ME1: variants seen among roughly 807,000 people sequenced by gnomAD.
ME1 encodes the protein malic enzyme 1, also known as NADP-dependent malic enzyme.
ME1 carries 74 observed loss-of-function variants against 66.4 expected under a neutral mutation model. The observed-to-expected ratio is 1.11, with a 90% CI of 0.92 to 1.35. The LOEUF (loss-of-function observed/expected upper bound fraction) is 1.35. Ranked by LOEUF, ME1 falls within the 40% of genes most tolerant of loss-of-function variation. ME1 has a pLI of 0.00. For missense variants in ME1, 750 were observed against 694.1 expected (o/e 1.08, Z -0.90); for synonymous variants, 251 against 235.6 (o/e 1.07, Z -0.60).
At chr6:83,329,639 C>T (rs1768367166) in intron 5 of ME1, among the ~76,000 whole-genome samples, 1 of 152,128 alleles carries the variant, frequency 6.6e-6, no homozygotes, top group South Asian at 2.1e-4. Context: ...CAAAACTGTT[C>T]TCAAGCAGCA....
intron 1 of ME1, among the ~76,000 whole-genome samples, chr6:83,423,232 C>G (rs1196606470): frequency 1.3e-5 from 2 of 149,654 alleles, no homozygotes; most frequent in Non-Finnish European, 3.0e-5. Context: ...AAAGAACTGT[C>G]AACTCATTAT....
chr6:83,392,673 A>G, intron 3 of ME1: 1 of 598,422 alleles, frequency 1.7e-6, no homozygotes, highest in South Asian at 1.4e-5. Context: ...CCAAAATCAA[A>G]TGGGGCAATG....
intron 5 of ME1, among the ~76,000 whole-genome samples, chr6:83,321,235 G>A (rs932587661): frequency 3.9e-5 from 6 of 152,104 alleles, no homozygotes; most frequent in African/African-American, 1.4e-4. Context: ...TGGTCATTTG[G>A]GCAGACACCA....
At chr6:83,425,182 G>T (rs1770346172) in intron 1 of ME1, among the ~76,000 whole-genome samples, 1 of 151,754 alleles carries the variant, frequency 6.6e-6, no homozygotes, top group African/African-American at 2.4e-5. Flanking sequence ...TTTTTGTAAA[G>T]ATGGGATTTT....
chr6:83,227,014 A>T (rs1790208723), intron 11 of ME1, among the ~76,000 whole-genome samples: 1 of 152,172 alleles, frequency 6.6e-6, no homozygotes, highest in Non-Finnish European at 1.5e-5. Flanking sequence ...GCTAGTTAAA[A>T]GCTATTTTAA....
intron 2 of ME1, among the ~76,000 whole-genome samples, chr6:83,399,765 TACC>T (rs1434754184): frequency 2.0e-5 from 3 of 152,342 alleles, no homozygotes; most frequent in Non-Finnish European, 4.4e-5. Flanking sequence ...TCAACAATCT[TACC>T]AGCCATTTTG....
At position 83,255,159 on chromosome 6, in the gene ME1, T is replaced by TTTTG. The variant is rs199657591; in HGVS notation, c.705-1425_705-1422dup. ...ACAGGTGAAAACTGGTGTTAACGTT[T>TTTTG]TTTGTTTGTTTGTTTGTTTTATTAC... On this transcript the variant is annotated intron_variant, in intron 6 of 13. Transcript: ENST00000369705. Among the ~76,000 whole-genome samples, 335 of 152,124 alleles carry TTTTG rather than the reference T, an allele frequency of 2.2e-3. 7 individuals are homozygous for TTTTG. Among genetic ancestry groups the TTTTG allele is most frequent in the East Asian group, 0.02 (106 of 5,182 alleles).
chr6:83,324,716 C>CAAAAAAA (rs55866196), intron 5 of ME1, among the ~76,000 whole-genome samples: 19 of 49,298 alleles, frequency 3.9e-4, no homozygotes, highest in African/African-American at 6.9e-4. Context: ...GCCTACCAAC[C>CAAAAAAA]AAAAAAAAAA....
intron 1 of ME1, among the ~76,000 whole-genome samples, chr6:83,413,420 A>C (rs1194522759): frequency 6.6e-6 from 1 of 152,132 alleles, no homozygotes; most frequent in Non-Finnish European, 1.5e-5. Flanking sequence ...TTTTATTTCA[A>C]ATGAATTATA....
rs764129992 is a variant in ME1, at chr6:83,239,656, T to A, written c.815-20A>T. 8.4e-6 allele frequency: 13 copies of A among 1,550,618 alleles called. 1 individual carries two copies. The South Asian group carries it at 1.4e-4, about 17-fold the overall frequency. ...CTGTTCCTGAAACAAGTAATAAATA[T>A]CCTTGAGTAATCCTCAAACAGATCC... On this transcript the variant is annotated intron_variant, in intron 7 of 13. Transcript: ENST00000369705.
chr6:83,350,265 A>G (rs1768773269), intron 4 of ME1, among the ~76,000 whole-genome samples: 1 of 152,318 alleles, frequency 6.6e-6, no homozygotes, highest in East Asian at 1.9e-4. Flanking sequence ...TAGGGATAAG[A>G]ACATCAGTAA....
intron 6 of ME1, among the ~76,000 whole-genome samples, chr6:83,287,545 G>A (rs905972643): frequency 2.0e-5 from 3 of 152,132 alleles, no homozygotes; most frequent in Admixed American, 1.3e-4. Flanking sequence ...TCTTAATCCA[G>A]TCTATCATTG....
At chr6:83,427,889 G>A (rs902816718) in intron 1 of ME1, among the ~76,000 whole-genome samples, 5 of 151,930 alleles carry the variant, frequency 3.3e-5, no homozygotes, top group Non-Finnish European at 5.9e-5. Context: ...GCACATGCCT[G>A]TAATCTCAGC....
chr6:83,371,572 C>T (rs1261564702), intron 3 of ME1, among the ~76,000 whole-genome samples: 5 of 152,152 alleles, frequency 3.3e-5, no homozygotes, highest in South Asian at 2.1e-4. Context: ...AAATATAAGC[C>T]ATACAGACAG....
intron 9 of ME1, among the ~76,000 whole-genome samples, chr6:83,232,090 T>C (rs1790319429): frequency 6.6e-6 from 1 of 152,184 alleles, no homozygotes; most frequent in Admixed American, 6.5e-5. Context: ...AGGATAGGAA[T>C]AAGTAAATTA....
At chr6:83,317,044 T>C (rs945160642) in intron 5 of ME1, among the ~76,000 whole-genome samples, 4 of 152,120 alleles carry the variant, frequency 2.6e-5, no homozygotes, top group African/African-American at 9.7e-5. Context: ...GCTAATGAGA[T>C]TTCCAGGCAG....
intron 7 of ME1, among the ~76,000 whole-genome samples, chr6:83,246,053 T>C (rs1041135306): frequency 6.6e-6 from 1 of 152,198 alleles, no homozygotes; most frequent in Non-Finnish European, 1.5e-5. Flanking sequence ...CGATCAGTTA[T>C]GTCTAGTATT....
chr6:83,322,695 G>T (rs1335313307), intron 5 of ME1, among the ~76,000 whole-genome samples: 1 of 152,216 alleles, frequency 6.6e-6, no homozygotes, highest in Non-Finnish European at 1.5e-5. Flanking sequence ...GTACCTGAAA[G>T]TGATGGGGAG....
rs192513730 is a variant in ME1 at position 83,230,016 on chromosome 6, G to T, written c.1027-1085C>A. Reference sequence around the variant, plus strand: ...TTATCATTTTTTTTTAGAGATGGGGGTCTCGCTATATTGCCCAGGGTTGTC... The same window carrying T: ...TTATCATTTTTTTTTAGAGATGGGGTTCTCGCTATATTGCCCAGGGTTGTC... On this transcript the variant is annotated intron_variant, in intron 9 of 13. Transcript: ENST00000369705. Among the ~76,000 whole-genome samples the T allele has an allele frequency of 8.6e-5, 13 of 151,960 alleles. 1 individual carries two copies. Among genetic ancestry groups the T allele is most frequent in the Admixed American group, 8.5e-4 (13 of 15,274 alleles).
Sources: gnomAD v4.1 joint callset for allele counts (sites outside exome capture counted in the v4.1 genomes callset) on GRCh38, gnomAD v4.1.1 for gene constraint, MANE v1.5 for transcripts, NCBI Gene and HGNC (gene_info 2026-07-23, HGNC 2026-07-21) for gene names.